The following RAP1GDS1 variants were observed in gnomAD, a reference collection of about 807,000 sequenced individuals.
RAP1GDS1 encodes the protein RAP1, GTP-GDP dissociation stimulator 1.
In RAP1GDS1, 35 loss-of-function variants were observed where a neutral mutation model predicts 71.1. The observed-to-expected ratio is 0.49, with a 90% CI of 0.38 to 0.65. The LOEUF is 0.65. Among genes scored for constraint, RAP1GDS1 ranks in the 30% least tolerant of loss-of-function variants. RAP1GDS1 has a pLI of 0.00. For synonymous variants in RAP1GDS1, 229 were observed against 243.1 expected (o/e 0.94, Z 0.54); for missense variants, 663 against 706.1 (o/e 0.94, Z 0.69).
intron 2 of RAP1GDS1, among the ~76,000 whole-genome samples, chr4:98,299,320 A>G (rs1178763416): frequency 6.6e-6 from 1 of 152,202 alleles, no homozygotes; most frequent in African/African-American, 2.4e-5. Context: ...ATGGACATTC[A>G]GATTGGTTCC....
intron 2 of RAP1GDS1, among the ~76,000 whole-genome samples, chr4:98,339,575 T>G (rs1735186102): frequency 6.6e-6 from 1 of 152,204 alleles, no homozygotes; most frequent in Admixed American, 6.5e-5. Flanking sequence ...TTGATTTTTT[T>G]TTTTAACAAG....
At chr4:98,427,132 A>T (rs1208871082) in intron 12 of RAP1GDS1, among the ~76,000 whole-genome samples, 1 of 152,210 alleles carries the variant, frequency 6.6e-6, no homozygotes, top group Non-Finnish European at 1.5e-5. Flanking sequence ...TGATCATCTC[A>T]ATAGATGCAG....
chr4:98,311,056 TG>T (rs1209400654), intron 2 of RAP1GDS1, among the ~76,000 whole-genome samples: 3 of 152,092 alleles, frequency 2.0e-5, no homozygotes, highest in Non-Finnish European at 4.4e-5. Flanking sequence ...AGTTTTGGGG[TG>T]GGGCTCAGGA....
At chr4:98,374,113 G>T (rs749823594) in intron 4 of RAP1GDS1, among the ~76,000 whole-genome samples, 36 of 152,128 alleles carry the variant, frequency 2.4e-4, no homozygotes, top group Admixed American at 4.6e-4. Context: ...CATGGATGAA[G>T]GGGGACTACT....
chr4:98,414,512 G>A (rs1296886667), intron 7 of RAP1GDS1, among the ~76,000 whole-genome samples: 2 of 150,556 alleles, frequency 1.3e-5, no homozygotes, highest in Non-Finnish European at 2.9e-5. Flanking sequence ...GTTTGTCAAA[G>A]ATCAGATAGT....
intron 1 of RAP1GDS1, among the ~76,000 whole-genome samples, chr4:98,266,758 A>C (rs565615141): frequency 4.9e-4 from 75 of 152,162 alleles, no homozygotes; most frequent in Non-Finnish European, 8.2e-4. Context: ...TCATATTCTG[A>C]AGTCTGTACT....
At chr4:98,315,218 A>G (rs890576518) in intron 2 of RAP1GDS1, among the ~76,000 whole-genome samples, 1 of 152,154 alleles carries the variant, frequency 6.6e-6, no homozygotes, top group African/African-American at 2.4e-5. Context: ...AGTGGTATCA[A>G]TCACATTGAA....
intron 1 of RAP1GDS1, among the ~76,000 whole-genome samples, chr4:98,278,345 T>C (rs893781155): frequency 2.0e-5 from 3 of 152,238 alleles, no homozygotes; most frequent in Non-Finnish European, 4.4e-5. Flanking sequence ...TTAAAACTCC[T>C]GTTTATCTGG....
chr4:98,435,921 A>C (rs1488765424), intron 13 of RAP1GDS1, among the ~76,000 whole-genome samples: 3 of 151,598 alleles, frequency 2.0e-5, no homozygotes, highest in Non-Finnish European at 2.9e-5. Flanking sequence ...AATACAAAAA[A>C]TTAGCCGGGA....
At chr4:98,380,179 T>C (rs1469494620) in intron 5 of RAP1GDS1, among the ~76,000 whole-genome samples, 1 of 151,760 alleles carries the variant, frequency 6.6e-6, no homozygotes, top group East Asian at 1.9e-4. Flanking sequence ...CTGTGGTAAG[T>C]TGAAGAGCCC....
At chr4:98,362,515 A>G (rs1738889293) in intron 4 of RAP1GDS1, among the ~76,000 whole-genome samples, 1 of 152,132 alleles carries the variant, frequency 6.6e-6, no homozygotes, top group African/African-American at 2.4e-5. Flanking sequence ...GTCTATTACC[A>G]TTTCCCTGCT....
chr4:98,433,700 A>T (rs1750765647), intron 12 of RAP1GDS1, among the ~76,000 whole-genome samples: 1 of 152,104 alleles, frequency 6.6e-6, no homozygotes, highest in Non-Finnish European at 1.5e-5. Context: ...CTGTTTTTTA[A>T]TATGAACTGC....
intron 3 of RAP1GDS1, 123 bp downstream of exon 3, chr4:98,343,384 C>A (rs1398347998): frequency 8.0e-7 from 1 of 1,249,336 alleles, no homozygotes; most frequent in Non-Finnish European, 1.1e-6. Flanking sequence ...TTCTATTTAT[C>A]TTTTGTTTGA....
At chr4:98,400,911 C>CT (rs1270095734) in intron 6 of RAP1GDS1, among the ~76,000 whole-genome samples, 1 of 152,132 alleles carries the variant, frequency 6.6e-6, no homozygotes, top group Non-Finnish European at 1.5e-5. Context: ...GTCATACTAT[C>CT]AGTTAAGTGT....
chr4:98,417,261 C>T (rs573212450), intron 8 of RAP1GDS1, 106 bp from the exon 9 acceptor site: 12 of 1,089,518 alleles, frequency 1.1e-5, no homozygotes, highest in Admixed American at 2.4e-5. Flanking sequence ...ATGAATGTAA[C>T]AGTTTGTGAG....
At chr4:98,432,744 C>T (rs1329143344) in intron 12 of RAP1GDS1, among the ~76,000 whole-genome samples, 1 of 151,998 alleles carries the variant, frequency 6.6e-6, no homozygotes, top group Non-Finnish European at 1.5e-5. Context: ...ATGTCCAGAC[C>T]TTCAAATTAT....
intron 4 of RAP1GDS1, among the ~76,000 whole-genome samples, chr4:98,368,432 G>T (rs951521790): frequency 2.0e-5 from 3 of 152,130 alleles, no homozygotes; most frequent in African/African-American, 7.2e-5. Flanking sequence ...AAAGAGAAAG[G>T]AATGGAGATA....
chr4:98,314,561 C>T (rs1279833529), intron 2 of RAP1GDS1, among the ~76,000 whole-genome samples: 1 of 152,076 alleles, frequency 6.6e-6, no homozygotes, highest in Non-Finnish European at 1.5e-5. Flanking sequence ...AGTGTGTATT[C>T]ATTGTTTGTA....
At chr4:98,381,850 T>C (rs1024127) in intron 5 of RAP1GDS1, among the ~76,000 whole-genome samples, 8,606 of 151,534 alleles carry the variant, frequency 0.057, 619 homozygotes, top group African/African-American at 0.17. Flanking sequence ...AAAAAAGTAC[T>C]GAGAGTGGTC....
Sources: gnomAD v4.1 joint callset for allele counts (sites outside exome capture counted in the v4.1 genomes callset) on GRCh38, gnomAD v4.1.1 for gene constraint, MANE v1.5 for transcripts, NCBI Gene and HGNC (gene_info 2026-07-23, HGNC 2026-07-21) for gene names.